TENM2: variants seen among roughly 807,000 people sequenced by gnomAD.
TENM2 encodes teneurin transmembrane protein 2, also known as teneurin-2.
Under a neutral mutation model 245.2 loss-of-function variants are expected in TENM2, and 52 were observed. The observed-to-expected ratio is 0.21, with a 90% CI of 0.17 to 0.27. The LOEUF (loss-of-function observed/expected upper bound fraction) is 0.27. Ranked by LOEUF, TENM2 falls within the 10% of genes least tolerant of loss-of-function variation. The pLI is 1.00. For synonymous variants in TENM2, 1,363 were observed against 1,438.9 expected, an observed-to-expected ratio of 0.95 and a Z score of 1.19; for missense variants, 3,046 against 3,666.8, an observed-to-expected ratio of 0.83 and a Z score of 4.37.
intron 2 of TENM2, among the ~76,000 whole-genome samples, chr5:167,664,566 A>C (rs1755449862): frequency 6.6e-6 from 1 of 152,178 alleles, no homozygotes; most frequent in Non-Finnish European, 1.5e-5. Context: ...AAATAGCATC[A>C]CCTTCTTCTA....
chr5:167,240,389 C>A, the TENM2 span, among the ~76,000 whole-genome samples: 1 of 151,960 alleles, frequency 6.6e-6, no homozygotes, highest in Non-Finnish European at 1.5e-5. Context: ...TGATATAACT[C>A]CTTCAGCAAG....
At chr5:167,836,012 G>C (rs1768956203) in intron 2 of TENM2, among the ~76,000 whole-genome samples, 2 of 152,150 alleles carry the variant, frequency 1.3e-5, no homozygotes, top group Non-Finnish European at 2.9e-5. Context: ...GAACCAGCCT[G>C]CACTACATTT....
the TENM2 span, among the ~76,000 whole-genome samples, chr5:167,028,584 T>G: frequency 6.6e-6 from 1 of 152,098 alleles, no homozygotes; most frequent in Admixed American, 6.6e-5. Flanking sequence ...TGGGAGTATG[T>G]TTTTAAAATA....
At chr5:168,169,743 T>C (rs939640973) in intron 13 of TENM2, among the ~76,000 whole-genome samples, 1 of 152,244 alleles carries the variant, frequency 6.6e-6, no homozygotes, top group African/African-American at 2.4e-5. Flanking sequence ...GACACAAAGC[T>C]TGGTGAACCC....
In TENM2 at chr5:168,260,265, T is replaced by C. The variant is rs1768063732; in HGVS notation, c.7433-18T>C. ...CCATCATGATTTCAGAAACCTTTAT[T>C]TTTGTTTTCCACCATAGATGTGAAA... is the stretch of plus-strand genomic sequence containing the variant. On this transcript the variant is annotated intron_variant, in intron 27 of 28. Transcript: ENST00000518659. The C allele has an allele frequency of 6.2e-7, 1 of 1,613,498 alleles. No individual in the cohort carries two copies.
intron 2 of TENM2, among the ~76,000 whole-genome samples, chr5:167,794,761 G>A (rs1403465834): frequency 1.3e-5 from 2 of 152,194 alleles, no homozygotes; most frequent in African/African-American, 4.8e-5. Context: ...GGGACATTTA[G>A]GCAAAGCAAT....
At chr5:167,491,702 C>T (rs1037547762) in intron 2 of TENM2, among the ~76,000 whole-genome samples, 2 of 152,166 alleles carry the variant, frequency 1.3e-5, no homozygotes, top group Admixed American at 6.6e-5. Context: ...CAGCTCTCCA[C>T]TCTCTTGTTT....
chr5:167,856,224 G>A (rs1583197068), intron 2 of TENM2, among the ~76,000 whole-genome samples: 1 of 152,056 alleles, frequency 6.6e-6, no homozygotes, highest in African/African-American at 2.4e-5. Context: ...CTTGGACATT[G>A]ACCAGTCACC....
Position 167,431,950 on chromosome 5 carries a change from T to C in TENM2, c.502+56477T>C, listed in dbSNP as rs1561950314. ...ATACATATATATATACATATATATGTATATATATATGTATATATATATATA... is the reference window on the plus strand; with the variant it reads ...ATACATATATATATACATATATATGCATATATATATGTATATATATATATA... On this transcript the variant is annotated intron_variant, in intron 2 of 28. Coordinates refer to ENST00000518659, the Ensembl canonical transcript of TENM2. 8.0e-3 allele frequency among the ~76,000 whole-genome samples: 443 copies of C among 55,538 alleles called. 4 individuals are homozygous for C. The highest frequency in any genetic ancestry group is 0.013 in the Non-Finnish European group (309 of 23,324). 36.4% of individuals were successfully genotyped at this position (55,538 alleles called of 152,430 possible). A position where few individuals can be genotyped will look rare whatever the true frequency, so the allele number is the denominator to read the frequency against.
At chr5:167,659,433 A>G (rs1309459224) in intron 2 of TENM2, among the ~76,000 whole-genome samples, 1 of 152,214 alleles carries the variant, frequency 6.6e-6, no homozygotes, top group African/African-American at 2.4e-5. Context: ...TAAAATCATA[A>G]ATCAATAAGG....
At chr5:168,116,817 C>G (rs1795115909) in intron 9 of TENM2, among the ~76,000 whole-genome samples, 1 of 152,072 alleles carries the variant, frequency 6.6e-6, no homozygotes, top group African/African-American at 2.4e-5. Flanking sequence ...TTAGGTATGC[C>G]ATCGCTGAGT....
chr5:166,981,327 G>A, the TENM2 span, among the ~76,000 whole-genome samples: 1 of 152,116 alleles, frequency 6.6e-6, no homozygotes, highest in African/African-American at 2.4e-5. Context: ...ACCTTTGAAT[G>A]GACTGTTTTG....
intron 2 of TENM2, among the ~76,000 whole-genome samples, chr5:167,638,735 T>C (rs1271348509): frequency 6.6e-6 from 1 of 152,222 alleles, no homozygotes; most frequent in East Asian, 1.9e-4. Flanking sequence ...GAATACATAT[T>C]ACACACAACT....
the TENM2 span, among the ~76,000 whole-genome samples, chr5:167,081,852 A>G: frequency 1.3e-5 from 2 of 152,188 alleles, no homozygotes; most frequent in Non-Finnish European, 2.9e-5. Context: ...TTTCCTACTT[A>G]CTGAGTCCTC....
intron 2 of TENM2, among the ~76,000 whole-genome samples, chr5:167,720,094 C>G (rs1397626427): frequency 1.3e-5 from 2 of 151,872 alleles, no homozygotes; most frequent in South Asian, 2.1e-4. Context: ...ATTCTGAGTA[C>G]TTAAAAACAA....
At chr5:167,074,942 A>G in the TENM2 span, among the ~76,000 whole-genome samples, 1 of 152,188 alleles carries the variant, frequency 6.6e-6, no homozygotes, top group Non-Finnish European at 1.5e-5. Context: ...CAAGGTGAAT[A>G]GTTCACAGAC....
At chr5:167,400,153 T>A (rs761594465) in intron 2 of TENM2, among the ~76,000 whole-genome samples, 119 of 151,564 alleles carry the variant, frequency 7.9e-4, no homozygotes, top group Non-Finnish European at 1.2e-3. Flanking sequence ...AGAAAAATTA[T>A]TCTAAATGTG....
chr5:167,130,888 CTTTTT>C, the TENM2 span, among the ~76,000 whole-genome samples: 1 of 73,358 alleles, frequency 1.4e-5, no homozygotes, highest in South Asian at 4.3e-4. Flanking sequence ...GTGTTAAATG[CTTTTT>C]TTTTTTTTTT....
At chr5:168,170,485 T>C (rs1168993716) in intron 13 of TENM2, among the ~76,000 whole-genome samples, 1 of 149,800 alleles carries the variant, frequency 6.7e-6, no homozygotes. Flanking sequence ...CCAGCCTGGG[T>C]GACAGAGCGA....
Sources: gnomAD v4.1 joint callset for allele counts (sites outside exome capture counted in the v4.1 genomes callset) on GRCh38, gnomAD v4.1.1 for gene constraint, MANE v1.5 for transcripts, NCBI Gene and HGNC (gene_info 2026-07-23, HGNC 2026-07-21) for gene names.